PARP4: variants seen among roughly 807,000 people sequenced by gnomAD.
The protein encoded by PARP4 is protein mono-ADP-ribosyltransferase PARP4.
In PARP4, 120 loss-of-function variants were observed where a neutral mutation model predicts 187.7. That is an observed-to-expected ratio of 0.64 (90% CI 0.55 to 0.74). The LOEUF (loss-of-function observed/expected upper bound fraction) is 0.74. Among genes scored for constraint, PARP4 ranks in the 30% least tolerant of loss-of-function variants. The pLI is 0.00. For missense variants in PARP4, 1,836 were observed against 2,070.5 expected (o/e 0.89, Z 2.20); for synonymous variants, 654 against 740.9 (o/e 0.88, Z 1.90).
chr13:24,502,330 C>A (rs1053659441), intron 2 of PARP4, among the ~76,000 whole-genome samples: 1 of 152,124 alleles, frequency 6.6e-6, no homozygotes, highest in Non-Finnish European at 1.5e-5. Flanking sequence ...AACATGCCCG[C>A]TTATAATTTT....
chr13:24,502,617 G>A (rs1869363626), intron 2 of PARP4, among the ~76,000 whole-genome samples: 1 of 152,220 alleles, frequency 6.6e-6, no homozygotes, highest in Admixed American at 6.5e-5. Flanking sequence ...TACAGTAGCT[G>A]GGATGCACAT....
intron 33 of PARP4, among the ~76,000 whole-genome samples, chr13:24,422,172 A>G (rs1869781771): frequency 6.6e-6 from 1 of 152,190 alleles, no homozygotes; most frequent in Non-Finnish European, 1.5e-5. Flanking sequence ...CTTTCATTCA[A>G]CACTGGGAAT....
rs1202071158 is a variant in PARP4, at chr13:24,456,456, A to C, written c.2447T>G (p.Ile816Ser). 1 of 1,605,372 alleles carries C rather than the reference A, an allele frequency of 6.2e-7. No individual in the cohort carries two copies. The highest frequency in any genetic ancestry group is 1.3e-5 in the African/African-American group (1 of 74,816). Reference sequence around the variant, plus strand: ...TAAGGAGCTGCCTTCCATGGTGCTAATGACAGCTTTGCAGTCTGTGCGCTG... The same window carrying C: ...TAAGGAGCTGCCTTCCATGGTGCTACTGACAGCTTTGCAGTCTGTGCGCTG... ...KQKRTDCKAV[I>S]STMEGSSLDS... Residue 816 changes from isoleucine to serine, a missense_variant, in exon 21 of 34, where the codon ATT (isoleucine) becomes AGT (serine). Coordinates refer to ENST00000381989, the MANE Select transcript of PARP4 (RefSeq NM_006437.4).
chr13:24,494,150 CTA>C (rs1288048693), intron 7 of PARP4, among the ~76,000 whole-genome samples: 1 of 152,224 alleles, frequency 6.6e-6, no homozygotes, highest in Non-Finnish European at 1.5e-5. Context: ...CCATGCCTTT[CTA>C]TGAGTTCAGA....
chr13:24,488,747 G>C (rs565820209), intron 10 of PARP4, among the ~76,000 whole-genome samples: 1 of 152,182 alleles, frequency 6.6e-6, no homozygotes. Context: ...CATTCAAAAT[G>C]TCATGTAATC....
At chr13:24,506,953 C>T (rs947934052) in intron 1 of PARP4, among the ~76,000 whole-genome samples, 2 of 152,200 alleles carry the variant, frequency 1.3e-5, no homozygotes, top group Non-Finnish European at 2.9e-5. Flanking sequence ...CCCTGCCCCG[C>T]GGGGAGGCAG....
intron 5 of PARP4, among the ~76,000 whole-genome samples, chr13:24,499,021 G>C (rs142592204): frequency 0.012 from 1,781 of 152,238 alleles, 40 homozygotes; most frequent in African/African-American, 0.04. Context: ...AATCAGGTCT[G>C]GGTGCAGTGG....
intron 2 of PARP4, among the ~76,000 whole-genome samples, chr13:24,502,517 G>A (rs1260931939): frequency 1.3e-5 from 2 of 152,214 alleles, no homozygotes; most frequent in African/African-American, 4.8e-5. Context: ...ACATGGCAGC[G>A]TGCTCCTCAG....
At chr13:24,424,323 T>C (rs920201703) in intron 33 of PARP4, among the ~76,000 whole-genome samples, 6 of 152,198 alleles carry the variant, frequency 3.9e-5, no homozygotes, top group Admixed American at 6.5e-5. Flanking sequence ...GGTTGATATG[T>C]CTCTAAAGGT....
At chr13:24,465,702 A>AGCAAACCACCATG in intron 17 of PARP4, among the ~76,000 whole-genome samples, 1 of 152,326 alleles carries the variant, frequency 6.6e-6, no homozygotes, top group Non-Finnish European at 1.5e-5. Context: ...TGATAGGTGC[A>AGCAAACCACCATG]GCAAACCACC....
At chr13:24,425,282 T>C (rs1237443837) in intron 33 of PARP4, among the ~76,000 whole-genome samples, 13 of 152,074 alleles carry the variant, frequency 8.5e-5, no homozygotes, top group South Asian at 6.2e-4. Flanking sequence ...GCCTGGGCGA[T>C]AGAGCCAGAC....
chr13:24,469,929 C>A lies in PARP4; in HGVS notation c.2011G>T (p.Glu671Ter). 6.2e-7 allele frequency: 1 copy of A among 1,613,668 alleles called. No homozygotes were observed. Among genetic ancestry groups the A allele is most frequent in the Non-Finnish European group, 8.5e-7 (1 of 1,179,768 alleles). ...ATGTGCTTCCCATTGATGAAGGCTT[C>A]GAAGCCACACACAGCGGCCTTGTCA... ...LDDKAAVCGF[E>*]AFINGKHIVG... The change falls in exon 16 of 34, where the codon GAA becomes TAA. Residue 671 changes from glutamate to a stop codon, truncating the protein, a stop_gained. Transcript: ENST00000381989. LOFTEE classifies it high-confidence loss of function.
chr13:24,468,981 T>C, intron 17 of PARP4, 43 bp downstream of exon 17: 1 of 1,276,472 alleles, frequency 7.8e-7, no homozygotes, highest in Non-Finnish European at 1.1e-6. Flanking sequence ...TCTAACTCTC[T>C]TTCCCTCTCC....
chr13:24,477,006 C>G (rs1260409036), intron 14 of PARP4, among the ~76,000 whole-genome samples: 1 of 152,204 alleles, frequency 6.6e-6, no homozygotes, highest in Non-Finnish European at 1.5e-5. Flanking sequence ...CTTCCTGGCT[C>G]TACAGCGGCT....
intron 22 of PARP4, 24 bp from the exon 23 acceptor site, chr13:24,453,678 G>T (rs199518014): frequency 1.7e-5 from 24 of 1,416,444 alleles, no homozygotes; most frequent in Non-Finnish European, 1.2e-5. Flanking sequence ...TCAGCATGAG[G>T]TGCTGCTTCC....
At chr13:24,502,689 AAGG>A (rs1869368042) in intron 2 of PARP4, among the ~76,000 whole-genome samples, 1 of 152,210 alleles carries the variant, frequency 6.6e-6, no homozygotes, top group African/African-American at 2.4e-5. Flanking sequence ...ACTTTCTAAA[AAGG>A]AGAGACCATG....
chr13:24,433,008 T>C (rs1229591138), intron 31 of PARP4, among the ~76,000 whole-genome samples: 1 of 152,172 alleles, frequency 6.6e-6, no homozygotes, highest in East Asian at 1.9e-4. Flanking sequence ...TACCAGGTGC[T>C]GTTCTTTGAT....
At chr13:24,494,522 T>A in intron 7 of PARP4, 51 bp downstream of exon 7, 1 of 1,487,588 alleles carries the variant, frequency 6.7e-7, no homozygotes, top group Non-Finnish European at 9.3e-7. Flanking sequence ...GAGAAAACAT[T>A]TCTATTAAAA....
intron 21 of PARP4, 111 bp from the exon 22 acceptor site, chr13:24,455,323 CA>C (rs1871766362): frequency 1.6e-6 from 1 of 633,912 alleles, no homozygotes; most frequent in Non-Finnish European, 2.5e-6. Flanking sequence ...GCTATAAAAA[CA>C]GAAAGAATAA....
Sources: gnomAD v4.1 joint callset for allele counts (sites outside exome capture counted in the v4.1 genomes callset) on GRCh38, gnomAD v4.1.1 for gene constraint, MANE v1.5 for transcripts, NCBI Gene and HGNC (gene_info 2026-07-23, HGNC 2026-07-21) for gene names.